Variants in SH2D4B observed in about 807,000 individuals in gnomAD.
The protein encoded by SH2D4B is SH2 domain containing 4B, also known as SH2 domain-containing protein 4B.
Under a neutral mutation model 61.5 loss-of-function variants are expected in SH2D4B, and 45 were observed. The ratio of observed to expected loss-of-function variants is 0.73; its 90% CI spans 0.58 to 0.94. SH2D4B has a LOEUF of 0.94. SH2D4B is among the 40% of genes least tolerant of loss of function. The pLI is 0.00. For missense variants in SH2D4B, 572 were observed against 574.2 expected (o/e 1.00, Z 0.04); for synonymous variants, 224 against 220.4 (o/e 1.02, Z -0.14).
At chr10:80,579,536 T>G (rs1351980647) in intron 3 of SH2D4B, among the ~76,000 whole-genome samples, 1 of 152,110 alleles carries the variant, frequency 6.6e-6, no homozygotes, top group Non-Finnish European at 1.5e-5. Context: ...TCCTGTGCTC[T>G]TCTTCCACCC....
At chr10:80,583,443 C>T (rs1589344756) in intron 3 of SH2D4B, among the ~76,000 whole-genome samples, 1 of 149,804 alleles carries the variant, frequency 6.7e-6, no homozygotes, top group South Asian at 2.1e-4. Flanking sequence ...CTGAGGCGGG[C>T]GGATCACCTG....
At chr10:80,601,532 G>C (rs890457893) in intron 4 of SH2D4B, among the ~76,000 whole-genome samples, 1 of 152,144 alleles carries the variant, frequency 6.6e-6, no homozygotes, top group Non-Finnish European at 1.5e-5. Flanking sequence ...ATCGCCTGCC[G>C]ACTGTGTTCT....
At chr10:80,568,326 A>C (rs983070597) in intron 1 of SH2D4B, among the ~76,000 whole-genome samples, 7 of 152,132 alleles carry the variant, frequency 4.6e-5, no homozygotes, top group Admixed American at 3.9e-4. Context: ...AGTGAAGGAG[A>C]GGGCAAGGGA....
At chr10:80,579,724 T>C (rs1024278646) in intron 3 of SH2D4B, among the ~76,000 whole-genome samples, 7 of 152,030 alleles carry the variant, frequency 4.6e-5, no homozygotes, top group African/African-American at 2.4e-5. Flanking sequence ...AAGTTTGGAG[T>C]TCCTTTTGGC....
At chr10:80,612,113 G>T (rs1842607953) in intron 6 of SH2D4B, among the ~76,000 whole-genome samples, 1 of 149,614 alleles carries the variant, frequency 6.7e-6, no homozygotes, top group Non-Finnish European at 1.5e-5. Context: ...GTAAGTCATG[G>T]TTATTTTTAT....
intron 1 of SH2D4B, among the ~76,000 whole-genome samples, chr10:80,555,071 A>G (rs1232867186): frequency 1.3e-5 from 2 of 151,946 alleles, no homozygotes; most frequent in Non-Finnish European, 2.9e-5. Context: ...ACTAGGCACT[A>G]TAACCTACTT....
intron 1 of SH2D4B, among the ~76,000 whole-genome samples, chr10:80,546,497 T>C (rs988699349): frequency 2.6e-5 from 4 of 151,870 alleles, no homozygotes; most frequent in African/African-American, 9.7e-5. Context: ...GAGACTGTCT[T>C]GGAAAATGTA....
intron 3 of SH2D4B, among the ~76,000 whole-genome samples, chr10:80,574,342 G>A (rs1390097050): frequency 1.3e-5 from 2 of 152,096 alleles, no homozygotes; most frequent in Non-Finnish European, 2.9e-5. Flanking sequence ...TCACCATGTT[G>A]CCCAGCTGGT....
intron 1 of SH2D4B, among the ~76,000 whole-genome samples, chr10:80,565,799 A>C (rs924985957): frequency 5.3e-5 from 8 of 152,142 alleles, no homozygotes; most frequent in African/African-American, 1.7e-4. Flanking sequence ...CGGGTAAAAG[A>C]GTGAAGAGTG....
intron 4 of SH2D4B, among the ~76,000 whole-genome samples, chr10:80,601,839 G>A (rs1490260435): frequency 6.6e-6 from 1 of 152,220 alleles, no homozygotes; most frequent in African/African-American, 2.4e-5. Flanking sequence ...CATGTCTTGA[G>A]TGGCACTGGA....
intron 1 of SH2D4B, among the ~76,000 whole-genome samples, chr10:80,546,176 C>G (rs139777620): frequency 0.012 from 1,783 of 151,748 alleles, 31 homozygotes; most frequent in African/African-American, 0.039. Context: ...TCCTGAGTAG[C>G]TGGGACTACA....
intron 6 of SH2D4B, among the ~76,000 whole-genome samples, chr10:80,628,282 A>C (rs1334229208): frequency 2.0e-5 from 3 of 152,166 alleles, no homozygotes; most frequent in Non-Finnish European, 2.9e-5. Context: ...TGAGTAATGG[A>C]AGCAGGTCTT....
At chr10:80,602,956 T>G (rs1408666965) in intron 4 of SH2D4B, among the ~76,000 whole-genome samples, 4 of 152,198 alleles carry the variant, frequency 2.6e-5, no homozygotes, top group African/African-American at 9.7e-5. Context: ...CTGCTCCTTA[T>G]GAGCTGATTT....
intron 7 of SH2D4B, among the ~76,000 whole-genome samples, chr10:80,639,488 A>G (rs1325489991): frequency 6.6e-6 from 1 of 152,208 alleles, no homozygotes; most frequent in Non-Finnish European, 1.5e-5. Flanking sequence ...ATATAAATTT[A>G]GGATAGTTAG....
At chr10:80,601,830 A>T (rs1842454540) in intron 4 of SH2D4B, among the ~76,000 whole-genome samples, 1 of 152,210 alleles carries the variant, frequency 6.6e-6, no homozygotes, top group Non-Finnish European at 1.5e-5. Flanking sequence ...CCTGCTATGC[A>T]TGTCTTGAGT....
In SH2D4B at chr10:80,538,554, C is replaced by A; in HGVS notation, c.184+39C>A. 7.6e-7 allele frequency: 1 copy of A among 1,317,596 alleles called. No individual in the cohort carries two copies. The highest frequency in any genetic ancestry group is 2.3e-5 in the South Asian group (1 of 43,836). The allele number at this position is 1,317,596 out of a possible 1,614,324, so 81.6% of individuals were successfully genotyped here. On this transcript the variant is annotated intron_variant, in intron 1 of 7. Transcript: ENST00000646907. The surrounding 1 kb of genome is among the most constrained non-coding windows in gnomAD (Gnocchi z 4.8). ...AGTCACAGAGAGGTAGGCCACCAGT[C>A]CCCCAGGAGGTAGAAAAATTAGCAG...
intron 7 of SH2D4B, among the ~76,000 whole-genome samples, chr10:80,634,745 C>T (rs980392705): frequency 6.6e-6 from 1 of 152,216 alleles, no homozygotes; most frequent in Admixed American, 6.5e-5. Context: ...CCCTGGTCCT[C>T]AGGCCTCTTC....
At chr10:80,619,563 C>G (rs1842695141) in intron 6 of SH2D4B, among the ~76,000 whole-genome samples, 1 of 152,250 alleles carries the variant, frequency 6.6e-6, no homozygotes, top group South Asian at 2.1e-4. Context: ...TTAATTATAA[C>G]TCTGTTCACT....
At chr10:80,549,030 T>TG (rs1841720090) in intron 1 of SH2D4B, among the ~76,000 whole-genome samples, 1 of 152,202 alleles carries the variant, frequency 6.6e-6, no homozygotes, top group Admixed American at 6.5e-5. Flanking sequence ...TGAGGCATCA[T>TG]GGTGGGTGCA....
Sources: allele counts gnomAD v4.1 joint callset (sites outside exome capture counted in the v4.1 genomes callset), GRCh38; gene constraint gnomAD v4.1.1; non-coding constraint Gnocchi (gnomAD v3.1); transcripts MANE v1.5; gene names NCBI Gene and HGNC (gene_info 2026-07-23, HGNC 2026-07-21).